The following PIF1 variants were observed in gnomAD, a reference collection of about 807,000 sequenced individuals.
The protein encoded by PIF1 is PIF1 5'-to-3' DNA helicase.
PIF1 carries 67 observed loss-of-function variants against 62.3 expected under a neutral mutation model. The ratio of observed to expected loss-of-function variants is 1.08; its 90% CI spans 0.88 to 1.32. The LOEUF (loss-of-function observed/expected upper bound fraction) is 1.32, where lower values mean the gene tolerates loss of function less well. Among genes scored for constraint, PIF1 ranks in the 40% most tolerant of loss-of-function variants. The pLI is 0.00. For synonymous variants in PIF1, 364 were observed against 379.5 expected, an observed-to-expected ratio of 0.96 and a Z score of 0.47; for missense variants, 886 against 866.1, an observed-to-expected ratio of 1.02 and a Z score of -0.29.
Position 64,818,053 on chromosome 15 carries a change from C to A in PIF1, c.1567G>T (p.Val523Phe). Residue 523 changes from valine (V) to phenylalanine (F), a missense_variant, in exon 11 of 13, where the codon GTC (valine) becomes TTC (phenylalanine). Physicochemically the swap from Val to Phe is conservative, Grantham distance 50 (BLOSUM62 -1). Transcript: ENST00000559239. ...ACCGTCCAGCGGTCAGCGTGGATGA[C>A]CTCAGTGACTCCACACAGGAACCGC... ...QVRFLCGVTEVIHADRWTVQA... is the reference protein window; with the variant it reads ...QVRFLCGVTEFIHADRWTVQA... The A allele has an allele frequency of 6.2e-7, 1 of 1,613,946 alleles. No homozygotes were observed. Among genetic ancestry groups the A allele is most frequent in the East Asian group, 2.2e-5 (1 of 44,874 alleles).
rs763157552 is a variant in PIF1, at chr15:64,819,921, A to G, written c.1259T>C (p.Ile420Thr). 6.2e-7 allele frequency: 1 copy of G among 1,614,090 alleles called. No homozygotes were observed. Among genetic ancestry groups the G allele is most frequent in the East Asian group, 2.2e-5 (1 of 44,866 alleles). ...TASHKVGRDG[I>T]VATRLCTHQD... is the part of the protein sequence containing the mutation. ...GTGGGTGCAGAGCCTCGTGGCCACA[A>G]TCCCATCTCGCCCCACCTTGTGGGA... The change falls in exon 8 of 13, where the codon ATT becomes ACT. Residue 420 changes from isoleucine to threonine, a missense_variant. Coordinates refer to ENST00000559239, the MANE Select transcript of PIF1 (RefSeq NM_001286496.2).
At chr15:64,823,413 A>C in intron 2 of PIF1, 3 of 160,584 alleles carry the variant, frequency 1.9e-5, no homozygotes, top group Non-Finnish European at 4.1e-5. Context: ...GCGCCTGGCT[A>C]ATTTTTGTAT....
At chr15:64,826,117 G>A (rs1419161058), upstream of PIF1, among the ~76,000 whole-genome samples, 2 of 102,998 alleles carry the variant, frequency 1.9e-5, no homozygotes, top group Admixed American at 2.3e-4. Context: ...TCCCTCCCCC[G>A]CCCCCAACTC....
rs1213607936 is a variant in PIF1, at chr15:64,816,185, A to C, written c.*113T>G. On this transcript the variant is annotated 3_prime_UTR_variant, in exon 13 of 13. Transcript: ENST00000559239. Reference sequence around the variant, plus strand: ...GAGGCTGAGAGTCCCTAAAAAATACAGAAGGGGACACTGCCTGCCTACTCC... The same window carrying C: ...GAGGCTGAGAGTCCCTAAAAAATACCGAAGGGGACACTGCCTGCCTACTCC... 3.2e-6 allele frequency: 5 copies of C among 1,549,820 alleles called. No homozygotes were observed. The highest frequency in any genetic ancestry group is 4.3e-6 in the Non-Finnish European group (5 of 1,149,820).
At chr15:64,822,431 T>A in intron 3 of PIF1, 40 bp from the exon 4 acceptor site, 1 of 1,614,148 alleles carries the variant, frequency 6.2e-7, no homozygotes, top group Non-Finnish European at 8.5e-7. Flanking sequence ...CCTGTTCCTC[T>A]ATCCCACCCC....
chr15:64,816,491 G>T (rs533409655), intron 12 of PIF1, 83 bp downstream of exon 12: 19 of 1,593,398 alleles, frequency 1.2e-5, no homozygotes, highest in South Asian at 4.4e-5. Flanking sequence ...CCCCACCCCA[G>T]GTCCCACTGG....
chr15:64,821,348 G>T lies in PIF1; in HGVS notation c.971+19C>A, dbSNP rs919656826. On this transcript the variant is annotated intron_variant, in intron 5 of 12. Transcript: ENST00000559239. Reference sequence around the variant, plus strand: ...CACCAGGTCCCAGTTCTCACCTGCTGCCCTCTGAACATACTGACCTGGCCA... The same window carrying T: ...CACCAGGTCCCAGTTCTCACCTGCTTCCCTCTGAACATACTGACCTGGCCA... 2 of 1,613,924 alleles carry T rather than the reference G, an allele frequency of 1.2e-6. No individual in the cohort carries two copies. Among genetic ancestry groups the T allele is most frequent in the Non-Finnish European group, 1.7e-6 (2 of 1,179,848 alleles).
chr15:64,821,113 G>A, intron 6 of PIF1, 25 bp from the exon 7 acceptor site: 2 of 1,609,968 alleles, frequency 1.2e-6, no homozygotes, highest in South Asian at 2.2e-5. Flanking sequence ...GTGGGGGTGG[G>A]TCAAGGAGCA....
At position 64,821,527 on chromosome 15, in the gene PIF1, G is replaced by A; in HGVS notation, c.818-7C>T. 3 of 1,585,382 alleles carry A rather than the reference G, an allele frequency of 1.9e-6. No homozygotes were observed. Among genetic ancestry groups the A allele is most frequent in the African/African-American group, 1.4e-5 (1 of 73,640 alleles). On this transcript the variant is annotated splice_region_variant and splice_polypyrimidine_tract_variant and intron_variant, in intron 4 of 12. Transcript: ENST00000559239. ...GCCTGGCCTGAGCCGATGCCTGTGA[G>A]TGACACTATTCAGCCTGGGCTAATA...
chr15:64,815,680 G>C lies in PIF1; in HGVS notation c.*618C>G. 6.5e-7 allele frequency: 1 copy of C among 1,543,280 alleles called. No individual in the cohort carries two copies. Among genetic ancestry groups the C allele is most frequent in the Non-Finnish European group, 8.7e-7 (1 of 1,143,280 alleles). ...TTTGTCCGAAATAAATACAACCTGAGAACATCCATTTCAATGTCCCCAAAC... is the reference window on the plus strand; with the variant it reads ...TTTGTCCGAAATAAATACAACCTGACAACATCCATTTCAATGTCCCCAAAC... On this transcript the variant is annotated 3_prime_UTR_variant, in exon 13 of 13. Transcript: ENST00000559239.
rs759412115 is a variant in PIF1 at position 64,822,342 on chromosome 15, G to C, written c.741C>G (p.Pro247=). Residue 247 remains proline, a synonymous_variant, in exon 4 of 13, where the codon CCC becomes CCG. Coordinates refer to ENST00000559239, the MANE Select transcript of PIF1 (RefSeq NM_001286496.2). The part of the protein sequence containing the change: ...LLKRILGSLP[P]TGTVATASTG... ...TGCTGGCAGTGGCCACAGTGCCTGT[G>C]GGGGGCAGTGAGCCCAGGATTCGCT... is the stretch of plus-strand genomic sequence containing the variant. The C allele has an allele frequency of 6.2e-7, 1 of 1,613,928 alleles. No homozygotes were observed. The highest frequency in any genetic ancestry group is 2.2e-5 in the East Asian group (1 of 44,880).
upstream of PIF1, among the ~76,000 whole-genome samples, chr15:64,826,665 T>TATATATATTTATATATATATACAC (rs796684934): frequency 2.3e-5 from 1 of 42,792 alleles, no homozygotes; most frequent in East Asian, 1.0e-3. Flanking sequence ...TATATATATA[T>TATATATATTTATATATATATACAC]ACACACACAC....
chr15:64,821,155 G>C lies in PIF1; in HGVS notation c.1086+12C>G. ...ACCCCCAAGGAGAGCAGAGCTAGGA[G>C]GTGAGTAATACCTGGAAGCAGAACC... is the stretch of plus-strand genomic sequence containing the variant. On this transcript the variant is annotated intron_variant, in intron 6 of 12. Transcript: ENST00000559239. 6.2e-7 allele frequency: 1 copy of C among 1,613,972 alleles called. No individual in the cohort carries two copies. Among genetic ancestry groups the C allele is most frequent in the Non-Finnish European group, 8.5e-7 (1 of 1,179,874 alleles).
chr15:64,826,665 TAC>T (rs796586375), upstream of PIF1, among the ~76,000 whole-genome samples: 328 of 42,724 alleles, frequency 7.7e-3, 11 homozygotes, highest in African/African-American at 0.028. Flanking sequence ...TATATATATA[TAC>T]ACACACACAC....
chr15:64,820,888 A>C, intron 7 of PIF1, 94 bp downstream of exon 7: 103 of 1,151,484 alleles, frequency 8.9e-5, no homozygotes, highest in Middle Eastern at 5.6e-4. Context: ...GAGGGTAACA[A>C]TTCTACCCCT....
Position 64,816,282 on chromosome 15 carries a change from T to C in PIF1, c.*16A>G. The C allele has an allele frequency of 1.9e-6, 3 of 1,613,862 alleles. No individual in the cohort carries two copies. Among genetic ancestry groups the C allele is most frequent in the Non-Finnish European group, 2.5e-6 (3 of 1,179,988 alleles). ...AGGCCACAGGCCACCCTTTGTCTTC[T>C]CTTTGTGGGTGAGGCTCAGAGGATT... On this transcript the variant is annotated 3_prime_UTR_variant, in exon 13 of 13. Coordinates refer to ENST00000559239, the MANE Select transcript of PIF1 (RefSeq NM_001286496.2).
In PIF1 at chr15:64,816,566, C is replaced by T. The variant is rs1398045147; in HGVS notation, c.1866+8G>A. 3.7e-6 allele frequency: 6 copies of T among 1,612,708 alleles called. No individual in the cohort carries two copies. The highest frequency in any genetic ancestry group is 5.1e-6 in the Non-Finnish European group (6 of 1,179,656). ...GCCACAGCCCACCACTGGATGACTC[C>T]CTCTTACCAGACTGAGGCTCCTGCC... On this transcript the variant is annotated splice_region_variant and intron_variant, in intron 12 of 12. Transcript: ENST00000559239.
intron 4 of PIF1, chr15:64,821,758 G>C: frequency 4.2e-6 from 2 of 479,592 alleles, no homozygotes; most frequent in Non-Finnish European, 7.3e-6. Flanking sequence ...GTTTTGTTTT[G>C]AGATGGAGTC....
Position 64,823,787 on chromosome 15 carries a change from C to G in PIF1, c.549G>C (p.Glu183Asp). 7.5e-7 allele frequency: 1 copy of G among 1,335,554 alleles called. No individual in the cohort carries two copies. The highest frequency in any genetic ancestry group is 9.7e-7 in the Non-Finnish European group (1 of 1,033,108). 82.7% of individuals were successfully genotyped at this position (1,335,554 alleles called of 1,614,324 possible). Residue 183 changes from glutamate (E) to aspartate (D), a missense_variant, in exon 2 of 13, where the codon GAG becomes GAC. Coordinates refer to ENST00000559239, the MANE Select transcript of PIF1 (RefSeq NM_001286496.2). Reference sequence around the variant, plus strand: ...TCTTTCCCGTCCTCACTGTGCTAGGCTCGGCCCCAGCCTGGGGCTCCACAG... The same window carrying G: ...TCTTTCCCGTCCTCACTGTGCTAGGGTCGGCCCCAGCCTGGGGCTCCACAG... ...KRPVEPQAGA[E>D]PSTEAPRWPL...
Sources: gnomAD v4.1 joint callset for allele counts (sites outside exome capture counted in the v4.1 genomes callset) on GRCh38, gnomAD v4.1.1 for gene constraint, MANE v1.5 for transcripts, NCBI Gene and HGNC (gene_info 2026-07-23, HGNC 2026-07-21) for gene names.